Variants in SEMA3E observed in about 807,000 individuals in gnomAD.
The protein encoded by SEMA3E is semaphorin-3E.
In SEMA3E, 49 loss-of-function variants were observed where a neutral mutation model predicts 93.6. The observed-to-expected ratio is 0.52, with a 90% CI of 0.42 to 0.66. The LOEUF (loss-of-function observed/expected upper bound fraction) is 0.66. Ranked by LOEUF, SEMA3E falls within the 30% of genes least tolerant of loss-of-function variation. SEMA3E has a pLI of 0.00. For missense variants in SEMA3E, 906 were observed against 964.8 expected (o/e 0.94, Z 0.81); for synonymous variants, 363 against 330.7 (o/e 1.10, Z -1.06).
intron 4 of SEMA3E, among the ~76,000 whole-genome samples, chr7:83,445,547 G>A (rs373484643): frequency 3.9e-5 from 6 of 152,024 alleles, no homozygotes; most frequent in East Asian, 1.9e-4. Context: ...GTGAAACCCC[G>A]TCCCTACTAA....
intron 8 of SEMA3E, 68 bp downstream of exon 8, chr7:83,405,877 C>T: frequency 8.7e-7 from 1 of 1,149,846 alleles, no homozygotes; most frequent in Admixed American, 1.7e-5. Context: ...TTCTATGTGT[C>T]CTAGGGATAA....
chr7:83,528,705 G>A (rs191189312), intron 1 of SEMA3E, among the ~76,000 whole-genome samples: 1 of 151,976 alleles, frequency 6.6e-6, no homozygotes, highest in East Asian at 1.9e-4. Context: ...TGCAAACTAT[G>A]ACCAATAAAA....
At chr7:83,511,502 G>T (rs2115649291) in intron 1 of SEMA3E, among the ~76,000 whole-genome samples, 1 of 152,220 alleles carries the variant, frequency 6.6e-6, no homozygotes, top group Non-Finnish European at 1.5e-5. Context: ...TTCTAAGTGG[G>T]TAAGGGTCTA....
rs572629068 is a variant in SEMA3E, at chr7:83,504,217, G to T, written c.116-13943C>A. Among the ~76,000 whole-genome samples the T allele has an allele frequency of 3.3e-5, 5 of 152,220 alleles. No individual in the cohort carries two copies. The East Asian group carries it at 7.7e-4, about 23-fold the overall frequency. ...ACATTTTTCTCATAATTACTAAAATGATAGAATAATAACTGAATTTCAAAT... is the reference window on the plus strand; with the variant it reads ...ACATTTTTCTCATAATTACTAAAATTATAGAATAATAACTGAATTTCAAAT... On this transcript the variant is annotated intron_variant, in intron 1 of 16. Transcript: ENST00000643230.
chr7:83,505,503 C>T (rs565417338), intron 1 of SEMA3E, among the ~76,000 whole-genome samples: 368 of 152,284 alleles, frequency 2.4e-3, no homozygotes, highest in Admixed American at 7.1e-3. Flanking sequence ...TAAATTTAAA[C>T]TTCCCCATTT....
chr7:83,426,713 T>C (rs1030666384), intron 4 of SEMA3E, among the ~76,000 whole-genome samples: 3 of 152,186 alleles, frequency 2.0e-5, no homozygotes, highest in African/African-American at 7.2e-5. Flanking sequence ...TTGTTGCAGA[T>C]AGGTAGGTTT....
intron 4 of SEMA3E, among the ~76,000 whole-genome samples, chr7:83,435,992 A>T (rs1404159420): frequency 1.3e-5 from 2 of 152,150 alleles, no homozygotes; most frequent in African/African-American, 2.4e-5. Flanking sequence ...TTCTTTGTAT[A>T]GATTACATTG....
At chr7:83,630,338 C>T (rs1793760848) in intron 1 of SEMA3E, among the ~76,000 whole-genome samples, 1 of 152,164 alleles carries the variant, frequency 6.6e-6, no homozygotes, top group African/African-American at 2.4e-5. Context: ...TCCATTTCCT[C>T]ATATTGATGA....
intron 1 of SEMA3E, among the ~76,000 whole-genome samples, chr7:83,512,120 G>T (rs1790837770): frequency 6.6e-6 from 1 of 152,032 alleles, no homozygotes; most frequent in African/African-American, 2.4e-5. Context: ...GGCCCCTAAA[G>T]ACAAATTTGT....
rs1344349047 is a variant in SEMA3E at position 83,649,033 on chromosome 7, C to T, written c.-491G>A. ...CTGCTAGTTTTAATTCACCTTTCACCTTGCTAATTAAAAACAAGAAGTGCC... is the reference window on the plus strand; with the variant it reads ...CTGCTAGTTTTAATTCACCTTTCACTTTGCTAATTAAAAACAAGAAGTGCC... On this transcript the variant is annotated 5_prime_UTR_variant, in exon 1 of 17. Coordinates refer to ENST00000643230, the MANE Select transcript of SEMA3E (RefSeq NM_012431.3). 6.1e-6 allele frequency: 1 copy of T among 165,164 alleles called. No individual in the cohort carries two copies. Among genetic ancestry groups the T allele is most frequent in the East Asian group, 1.7e-4 (1 of 5,874 alleles). 10.2% of individuals were successfully genotyped at this position (165,164 alleles called of 1,614,324 possible). A position where few individuals can be genotyped will look rare whatever the true frequency, so the allele number is the denominator to read the frequency against.
chr7:83,371,684 AC>A (rs1004360838), intron 16 of SEMA3E: 1 of 151,398 alleles, frequency 6.6e-6, no homozygotes, highest in African/African-American at 2.4e-5. Flanking sequence ...ACCAGAATCA[AC>A]CCCTCCTTTT....
Position 83,380,794 on chromosome 7 carries a change from T to C in SEMA3E, c.1875+4500A>G, listed in dbSNP as rs201580975. 3.0e-4 allele frequency among the ~76,000 whole-genome samples: 46 copies of C among 152,024 alleles called. No homozygotes were observed. The East Asian group carries it at 7.9e-3, about 26-fold the overall frequency. ...ATGGCCTATTAAAGTAGGCTCCGAGTAGATATTTACTGAGTTCAAAACACC... is the reference window on the plus strand; with the variant it reads ...ATGGCCTATTAAAGTAGGCTCCGAGCAGATATTTACTGAGTTCAAAACACC... On this transcript the variant is annotated intron_variant, in intron 16 of 16. Transcript: ENST00000643230.
rs944029446 is a variant in SEMA3E, at chr7:83,541,604, G to T, written c.116-51330C>A. Reference sequence around the variant, plus strand: ...AACGAAGCAGCAACAAGATAATAACGGGAGATTATGGAAGGGGTGTCATTT... The same window carrying T: ...AACGAAGCAGCAACAAGATAATAACTGGAGATTATGGAAGGGGTGTCATTT... On this transcript the variant is annotated intron_variant, in intron 1 of 16. Transcript: ENST00000643230. 5.3e-5 allele frequency among the ~76,000 whole-genome samples: 8 copies of T among 152,078 alleles called. 1 individual carries two copies. The South Asian group carries it at 1.7e-3, about 31-fold the overall frequency.
intron 1 of SEMA3E, among the ~76,000 whole-genome samples, chr7:83,551,794 T>C (rs2115803116): frequency 6.6e-6 from 1 of 152,236 alleles, no homozygotes; most frequent in African/African-American, 2.4e-5. Context: ...TTTTGGGGTG[T>C]GGGGCTATCT....
chr7:83,502,609 C>G (rs1790617457), intron 1 of SEMA3E, among the ~76,000 whole-genome samples: 1 of 152,116 alleles, frequency 6.6e-6, no homozygotes, highest in Non-Finnish European at 1.5e-5. Flanking sequence ...ATAAGCCTTC[C>G]CAGTGTTAAG....
chr7:83,629,203 C>A (rs1793736674), intron 1 of SEMA3E, among the ~76,000 whole-genome samples: 1 of 152,186 alleles, frequency 6.6e-6, no homozygotes, highest in Non-Finnish European at 1.5e-5. Flanking sequence ...GGGGCACCTG[C>A]CAGTTGCTAG....
chr7:83,375,322 T>A (rs932910407), intron 16 of SEMA3E, among the ~76,000 whole-genome samples: 1 of 152,162 alleles, frequency 6.6e-6, no homozygotes, highest in Non-Finnish European at 1.5e-5. Context: ...TTCCTGGCAC[T>A]GAGACTTGAG....
intron 1 of SEMA3E, among the ~76,000 whole-genome samples, chr7:83,644,044 T>C (rs1459590775): frequency 6.6e-6 from 1 of 151,972 alleles, no homozygotes; most frequent in African/African-American, 2.4e-5. Flanking sequence ...ATAAAATAAA[T>C]ACCATGGCCT....
chr7:83,526,806 T>G (rs1406282595), intron 1 of SEMA3E, among the ~76,000 whole-genome samples: 1 of 152,186 alleles, frequency 6.6e-6, no homozygotes. Context: ...TCATCTATCT[T>G]TATTCAACTG....
Sources: allele counts gnomAD v4.1 joint callset (sites outside exome capture counted in the v4.1 genomes callset), GRCh38; gene constraint gnomAD v4.1.1; transcripts MANE v1.5; gene names NCBI Gene and HGNC (gene_info 2026-07-23, HGNC 2026-07-21).